The following TJP1 variants were observed in gnomAD, a reference collection of about 807,000 sequenced individuals.
The protein encoded by TJP1 is tight junction protein ZO-1.
A neutral mutation model predicts 194.2 loss-of-function variants in TJP1; 43 were observed. The observed-to-expected ratio is 0.22, with a 90% CI of 0.17 to 0.29. The LOEUF is 0.29. TJP1 is among the 10% of genes least tolerant of loss of function. TJP1 has a pLI of 1.00. For synonymous variants in TJP1, 801 were observed against 779.0 expected (o/e 1.03, Z -0.47); for missense variants, 1,971 against 2,185.7 (o/e 0.90, Z 1.96).
intron 7 of TJP1, 29 bp from the exon 8 acceptor site, chr15:29,761,315 C>T (rs762937063): frequency 6.2e-7 from 1 of 1,612,204 alleles, no homozygotes; most frequent in South Asian, 1.1e-5. Context: ...TACTTATTTT[C>T]CCACAAAAAT....
chr15:29,835,206 G>A (rs562438356), intron 2 of TJP1, among the ~76,000 whole-genome samples: 1 of 152,284 alleles, frequency 6.6e-6, no homozygotes, highest in South Asian at 2.1e-4. Context: ...GTCTTACAGT[G>A]CTTATTATAA....
At chr15:29,876,304 G>A (rs1250912365) in intron 2 of TJP1, among the ~76,000 whole-genome samples, 1 of 152,156 alleles carries the variant, frequency 6.6e-6, no homozygotes, top group Non-Finnish European at 1.5e-5. Context: ...TGGATCACCT[G>A]AGGTTAGGAG....
intron 2 of TJP1, among the ~76,000 whole-genome samples, chr15:29,899,647 C>T (rs990587737): frequency 2.6e-5 from 4 of 152,200 alleles, no homozygotes; most frequent in African/African-American, 9.6e-5. Context: ...ATCTACATCA[C>T]TACAGGTTTG....
intron 2 of TJP1, among the ~76,000 whole-genome samples, chr15:29,952,268 T>C (rs1212305392): frequency 6.6e-6 from 1 of 152,236 alleles, no homozygotes; most frequent in African/African-American, 2.4e-5. Flanking sequence ...GTCCAGGCTA[T>C]GCCTAAGAGA....
intron 2 of TJP1, among the ~76,000 whole-genome samples, chr15:29,948,219 G>A (rs1446571305): frequency 6.9e-6 from 1 of 145,410 alleles, no homozygotes; most frequent in African/African-American, 2.6e-5. Context: ...GCGAGATCGT[G>A]CCATCACACT....
intron 1 of TJP1, chr15:29,820,615 G>C (rs1268404339): frequency 1.4e-6 from 1 of 715,602 alleles, no homozygotes; most frequent in Admixed American, 2.0e-5. Context: ...TTAAGTACCA[G>C]AGATCACACT....
rs201782508 is a variant in TJP1, at chr15:29,718,683, G to A, written c.3459C>T (p.Ser1153=). ...RPRYEQAPRA[S]ALRHEEQPAP... is the part of the protein sequence containing the mutation. Reference sequence around the variant, plus strand: ...CTGGCTGCTCTTCGTGCCGCAGGGCGGATGCTCTAGGTGCCTGTTCGTAAC... The same window carrying A: ...CTGGCTGCTCTTCGTGCCGCAGGGCAGATGCTCTAGGTGCCTGTTCGTAAC... Residue 1153 remains serine (S), a synonymous_variant, in exon 21 of 28, where the codon TCC becomes TCT. Coordinates refer to ENST00000614355, the MANE Select transcript of TJP1 (RefSeq NM_001330239.4). 362 of 1,614,026 alleles carry A rather than the reference G, an allele frequency of 2.2e-4. 1 individual carries two copies. Among genetic ancestry groups the A allele is most frequent in the Non-Finnish European group, 5.0e-5 (59 of 1,180,032 alleles).
chr15:29,768,818 T>G (rs969301355), intron 4 of TJP1, among the ~76,000 whole-genome samples: 1 of 152,144 alleles, frequency 6.6e-6, no homozygotes, highest in African/African-American at 2.4e-5. Context: ...TATGAAAAAT[T>G]TGGAATCAAA....
At chr15:29,952,577 T>A (rs2055789906) in intron 2 of TJP1, among the ~76,000 whole-genome samples, 1 of 152,184 alleles carries the variant, frequency 6.6e-6, no homozygotes, top group South Asian at 2.1e-4. Flanking sequence ...CTTGCTCCAC[T>A]TGCTATGTTT....
At chr15:29,836,232 T>A (rs1451516820) in intron 2 of TJP1, among the ~76,000 whole-genome samples, 1 of 152,152 alleles carries the variant, frequency 6.6e-6, no homozygotes, top group African/African-American at 2.4e-5. Context: ...TTACTGCTGC[T>A]TCTTGCTGAC....
intron 1 of TJP1, chr15:29,968,461 G>C: frequency 1.0e-6 from 1 of 961,798 alleles, no homozygotes; most frequent in Non-Finnish European, 1.2e-6. Flanking sequence ...CCAGTCAGCG[G>C]GCACGCGGTA....
chr15:29,802,568 GT>G lies in TJP1; in HGVS notation c.28-1867del, dbSNP rs56088390. Among the ~76,000 whole-genome samples, 1,024 of 141,028 alleles carry G rather than the reference GT, an allele frequency of 7.3e-3. 21 individuals are homozygous for G. In the East Asian group the frequency reaches 0.083, roughly 11 times the overall value. 92.5% of individuals were successfully genotyped at this position (141,028 alleles called of 152,430 possible). A position where few individuals can be genotyped will look rare whatever the true frequency, so the allele number is the denominator to read the frequency against. The stretch of plus-strand genomic sequence containing the variant: ...TGAGACCTCCACTGGAAACAAAGCT[GT>G]TTTTTTTTTTTTAAACAAACATTGA... On this transcript the variant is annotated intron_variant, in intron 1 of 27. Transcript: ENST00000614355.
chr15:29,741,820 A>G (rs2044441516), intron 9 of TJP1, among the ~76,000 whole-genome samples: 1 of 152,236 alleles, frequency 6.6e-6, no homozygotes, highest in South Asian at 2.1e-4. Flanking sequence ...AGCAAGAAAG[A>G]TGATTTGAGA....
intron 2 of TJP1, among the ~76,000 whole-genome samples, chr15:29,840,649 C>T (rs1372277830): frequency 6.6e-6 from 1 of 152,202 alleles, no homozygotes; most frequent in African/African-American, 2.4e-5. Context: ...GCCAGGCAGC[C>T]TCCATCTTTA....
At position 29,726,964 on chromosome 15, in the gene TJP1, G is replaced by A. The variant is rs2043279610; in HGVS notation, c.2128C>T (p.Pro710Ser). The change falls in exon 17 of 28, where the codon CCA becomes TCA. Residue 710 changes from proline (P) to serine (S), a missense_variant. This residue lies in a region of TJP1 where 402 missense variants were observed against 484.2 expected (regional missense o/e 0.83). Coordinates refer to ENST00000614355, the MANE Select transcript of TJP1 (RefSeq NM_001330239.4). ...QDKHALLDVT[P>S]NAVDRLNYAQ... is the part of the protein sequence containing the mutation. ...TAGTTAAGACGATCAACTGCATTTG[G>A]TGTTACATCTAATAAAGCATGTTTG... 6.2e-7 allele frequency: 1 copy of A among 1,613,960 alleles called. No homozygotes were observed. The highest frequency in any genetic ancestry group is 1.3e-5 in the African/African-American group (1 of 74,890).
At chr15:29,824,148 A>G (rs2050602811), upstream of TJP1, 1 of 137,424 alleles carries the variant, frequency 7.3e-6, no homozygotes, top group Non-Finnish European at 1.5e-5. Flanking sequence ...TCACGTTTAT[A>G]ATCCCAGCAC....
intron 2 of TJP1, among the ~76,000 whole-genome samples, chr15:29,894,162 A>T (rs979255713): frequency 2.6e-5 from 4 of 152,190 alleles, no homozygotes; most frequent in African/African-American, 9.7e-5. Flanking sequence ...CTGAGATTTT[A>T]AAATATGCAA....
intron 1 of TJP1, among the ~76,000 whole-genome samples, chr15:29,960,112 T>C (rs1204232369): frequency 1.3e-5 from 2 of 152,216 alleles, no homozygotes; most frequent in African/African-American, 4.8e-5. Context: ...TCTAGTGTTC[T>C]TCGTAAGTTT....
chr15:29,743,989 G>T (rs1247583044), intron 8 of TJP1, among the ~76,000 whole-genome samples: 3 of 152,082 alleles, frequency 2.0e-5, no homozygotes, highest in African/African-American at 7.2e-5. Context: ...GACCATCCTG[G>T]CCAGTAAGGT....
Sources: allele counts gnomAD v4.1 joint callset (sites outside exome capture counted in the v4.1 genomes callset), GRCh38; gene constraint gnomAD v4.1.1; regional missense constraint gnomAD v4.1.1; transcripts MANE v1.5; gene names NCBI Gene and HGNC (gene_info 2026-07-23, HGNC 2026-07-21).